The following ITPK1 variants were observed in gnomAD, a reference collection of about 807,000 sequenced individuals.
ITPK1 encodes inositol-tetrakisphosphate 1-kinase.
A neutral mutation model predicts 45.3 loss-of-function variants in ITPK1; 21 were observed. The ratio of observed to expected loss-of-function variants is 0.46; its 90% confidence interval spans 0.33 to 0.67. The LOEUF (loss-of-function observed/expected upper bound fraction) is 0.67. Ranked by LOEUF, ITPK1 falls within the 30% of genes least tolerant of loss-of-function variation. ITPK1 has a pLI of 0.02. For synonymous variants in ITPK1, 258 were observed against 253.6 expected, an observed-to-expected ratio of 1.02 and a Z score of -0.16; for missense variants, 474 against 573.5, an observed-to-expected ratio of 0.83 and a Z score of 1.77.
At chr14:93,108,201 A>C (rs1286661290) in intron 2 of ITPK1, among the ~76,000 whole-genome samples, 2 of 152,226 alleles carry the variant, frequency 1.3e-5, no homozygotes, top group African/African-American at 4.8e-5. Context: ...GGTGTTTAAG[A>C]CAGTGACTTT....
intron 4 of ITPK1, among the ~76,000 whole-genome samples, chr14:93,011,693 G>A (rs1887919038): frequency 6.6e-6 from 1 of 152,120 alleles, no homozygotes; most frequent in Non-Finnish European, 1.5e-5. Context: ...GGGGCACCTG[G>A]GGCTGAGGAT....
chr14:93,008,790 A>T (rs1887746511), intron 4 of ITPK1, among the ~76,000 whole-genome samples: 1 of 152,240 alleles, frequency 6.6e-6, no homozygotes, highest in African/African-American at 2.4e-5. Flanking sequence ...ACAAACCAGG[A>T]GGAAACAGAA....
At chr14:93,029,441 C>T (rs144749022) in intron 3 of ITPK1, among the ~76,000 whole-genome samples, 17 of 152,222 alleles carry the variant, frequency 1.1e-4, no homozygotes, top group Non-Finnish European at 2.5e-4. Context: ...GCCACACATG[C>T]CCTGGGCCTA....
At chr14:93,107,624 A>G (rs963302945) in intron 2 of ITPK1, among the ~76,000 whole-genome samples, 1 of 152,030 alleles carries the variant, frequency 6.6e-6, no homozygotes, top group Non-Finnish European at 1.5e-5. Flanking sequence ...GGCACCCAGC[A>G]CTCAAGGGCC....
At chr14:93,108,173 T>G (rs796755077) in intron 2 of ITPK1, among the ~76,000 whole-genome samples, 2 of 152,314 alleles carry the variant, frequency 1.3e-5, no homozygotes, top group African/African-American at 4.8e-5. Context: ...CTGGGCCCAA[T>G]TCATGCAGGA....
chr14:93,057,952 C>T (rs530709186), intron 3 of ITPK1, among the ~76,000 whole-genome samples: 80 of 152,182 alleles, frequency 5.3e-4, no homozygotes, highest in Non-Finnish European at 1.1e-3. Flanking sequence ...CCCATCAGCT[C>T]GGCGAGAGCC....
At chr14:93,073,261 G>A (rs373815898) in intron 3 of ITPK1, among the ~76,000 whole-genome samples, 18 of 152,298 alleles carry the variant, frequency 1.2e-4, no homozygotes, top group Admixed American at 5.9e-4. Flanking sequence ...GACCCCAGGC[G>A]GCCCTGCGCC....
intron 4 of ITPK1, among the ~76,000 whole-genome samples, chr14:92,995,604 G>C: frequency 6.6e-6 from 1 of 152,168 alleles, no homozygotes. Flanking sequence ...ACCTAGGGGA[G>C]GCCTCGCATT....
intron 3 of ITPK1, chr14:93,069,123 G>A (rs1434796916): frequency 6.5e-6 from 1 of 153,504 alleles, no homozygotes; most frequent in African/African-American, 2.4e-5. Flanking sequence ...GGAGCCCCTG[G>A]AGAGCACATC....
chr14:92,985,260 A>T (rs1464855129), intron 5 of ITPK1, among the ~76,000 whole-genome samples: 1 of 152,104 alleles, frequency 6.6e-6, no homozygotes, highest in Non-Finnish European at 1.5e-5. Context: ...ATCCTGGACT[A>T]AAAAATGGGT....
chr14:93,041,827 T>C (rs750810496), intron 3 of ITPK1, among the ~76,000 whole-genome samples: 3 of 152,176 alleles, frequency 2.0e-5, no homozygotes, highest in Admixed American at 6.5e-5. Flanking sequence ...GCCTCCAAGA[T>C]ACATATGGAA....
chr14:92,941,957 T>C (rs1887448788), intron 10 of ITPK1, 53 bp from the exon 11 acceptor site: 17 of 1,513,542 alleles, frequency 1.1e-5, no homozygotes, highest in Non-Finnish European at 1.5e-5. Context: ...GCACGCATCA[T>C]GCAGGGAGGA....
chr14:93,074,346 C>CT, intron 3 of ITPK1, among the ~76,000 whole-genome samples: 1 of 152,356 alleles, frequency 6.6e-6, no homozygotes, highest in South Asian at 2.1e-4. Flanking sequence ...CTCCAGTCTC[C>CT]TGTTCCTCCC....
intron 3 of ITPK1, among the ~76,000 whole-genome samples, chr14:93,023,098 T>C (rs1008759814): frequency 1.3e-5 from 2 of 152,206 alleles, no homozygotes; most frequent in Non-Finnish European, 2.9e-5. Context: ...CAGGCTGGTC[T>C]TGAACTCCTG....
intron 3 of ITPK1, among the ~76,000 whole-genome samples, chr14:93,030,942 T>C (rs1357283493): frequency 6.6e-6 from 1 of 152,040 alleles, no homozygotes; most frequent in Non-Finnish European, 1.5e-5. Context: ...ATGAGGGCGG[T>C]ACTTCTACAT....
chr14:93,028,181 G>T (rs1292538495), intron 3 of ITPK1, among the ~76,000 whole-genome samples: 2 of 152,236 alleles, frequency 1.3e-5, no homozygotes, highest in African/African-American at 4.8e-5. Flanking sequence ...GGCCAAGCTA[G>T]TTCAAGTGTA....
chr14:92,997,405 C>T lies in ITPK1; in HGVS notation c.247-3408G>A, dbSNP rs564354386. ...AAGGGGAAAACATCTGACAAGCAGGCGTCAACTAGCTTTTGACTGGGGATG... is the reference window on the plus strand; with the variant it reads ...AAGGGGAAAACATCTGACAAGCAGGTGTCAACTAGCTTTTGACTGGGGATG... On this transcript the variant is annotated intron_variant, in intron 4 of 10. Coordinates refer to ENST00000267615, the MANE Select transcript of ITPK1 (RefSeq NM_014216.6). Among the ~76,000 whole-genome samples, 4 of 152,270 alleles carry T rather than the reference C, an allele frequency of 2.6e-5. No homozygotes were observed. In the South Asian group the frequency reaches 6.2e-4, roughly 24 times the overall value.
rs1010626849 is a variant in ITPK1, at chr14:93,034,574, G to C, written c.121-17773C>G. On this transcript the variant is annotated intron_variant, in intron 3 of 10. Transcript: ENST00000267615. This position sits in a 1 kb window ranked among gnomAD's most constrained non-coding sequence, Gnocchi z 4.1. ...TGCTCTGCTCCCCACTAGAGGGCAG[G>C]CCAGCCTGAGCTGCCTGGGGGCCCC... 6.6e-6 allele frequency among the ~76,000 whole-genome samples: 1 copy of C among 152,118 alleles called. No homozygotes were observed. The highest frequency in any genetic ancestry group is 2.4e-5 in the African/African-American group (1 of 41,404).
intron 5 of ITPK1, among the ~76,000 whole-genome samples, chr14:92,990,371 G>C (rs934334690): frequency 1.3e-5 from 2 of 149,778 alleles, no homozygotes; most frequent in Non-Finnish European, 3.0e-5. Context: ...GACCACAGAA[G>C]AATAAGGAGC....
Sources: allele counts gnomAD v4.1 joint callset (sites outside exome capture counted in the v4.1 genomes callset), GRCh38; gene constraint gnomAD v4.1.1; non-coding constraint Gnocchi (gnomAD v3.1); transcripts MANE v1.5; gene names NCBI Gene and HGNC (gene_info 2026-07-23, HGNC 2026-07-21).